SPATA6: variants seen among roughly 807,000 people sequenced by gnomAD.
SPATA6 encodes the protein spermatogenesis-associated protein 6.
In SPATA6, 56 loss-of-function variants were observed where a neutral mutation model predicts 65.3. The observed-to-expected ratio is 0.86, with a 90% CI of 0.69 to 1.07. The LOEUF (loss-of-function observed/expected upper bound fraction) is 1.07, where lower values mean the gene tolerates loss of function less well. SPATA6 is among the 50% of genes least tolerant of loss of function. SPATA6 has a pLI of 0.00. For missense variants in SPATA6, 590 were observed against 594.8 expected (o/e 0.99, Z 0.08); for synonymous variants, 199 against 213.2 (o/e 0.93, Z 0.58).
chr1:48,278,176 A>G, the SPATA6 span, among the ~76,000 whole-genome samples: 1 of 152,158 alleles, frequency 6.6e-6, no homozygotes, highest in East Asian at 1.9e-4. Context: ...CCAAAAACTC[A>G]TCTGTACATC....
chr1:48,339,494 T>G (rs1646148831), intron 11 of SPATA6, among the ~76,000 whole-genome samples: 1 of 151,878 alleles, frequency 6.6e-6, no homozygotes, highest in African/African-American at 2.4e-5. Context: ...TTAAAGTAAT[T>G]AGGATTAATT....
chr1:48,270,415 G>T, the SPATA6 span, among the ~76,000 whole-genome samples: 13 of 152,058 alleles, frequency 8.5e-5, no homozygotes, highest in Non-Finnish European at 1.6e-4. Flanking sequence ...AAAAACATAT[G>T]AACTATAACA....
intron 6 of SPATA6, chr1:48,400,631 T>G (rs572230837): frequency 2.3e-5 from 8 of 354,756 alleles, no homozygotes; most frequent in African/African-American, 1.8e-4. Context: ...TTGCTAAGGG[T>G]AACTAAGTGA....
intron 11 of SPATA6, among the ~76,000 whole-genome samples, chr1:48,335,510 G>A (rs1646035736): frequency 6.6e-6 from 1 of 152,006 alleles, no homozygotes; most frequent in Admixed American, 6.6e-5. Flanking sequence ...TCTGATCTTT[G>A]ACAAAGCTGA....
intron 9 of SPATA6, among the ~76,000 whole-genome samples, chr1:48,374,157 G>A (rs1232483553): frequency 6.6e-6 from 1 of 152,074 alleles, no homozygotes; most frequent in African/African-American, 2.4e-5. Flanking sequence ...CTGGTAAGCT[G>A]AGACAAATAT....
chr1:48,471,889 G>A (rs2148220596), intron 1 of SPATA6, 69 bp downstream of exon 1: 1 of 1,572,636 alleles, frequency 6.4e-7, no homozygotes, highest in Non-Finnish European at 8.7e-7. Flanking sequence ...GGTGGTTCCG[G>A]GCTCTCGGAG....
At chr1:48,344,946 G>A (rs1288427799) in intron 11 of SPATA6, among the ~76,000 whole-genome samples, 2 of 152,034 alleles carry the variant, frequency 1.3e-5, no homozygotes, top group African/African-American at 4.8e-5. Context: ...ACACCCCACT[G>A]ACAATATGAG....
Position 48,306,732 on chromosome 1 carries a change from A to G in SPATA6, c.1195-854T>C, listed in dbSNP as rs376966193. ...CAGCTGAATGCACATTGTGAAGAAAAATGATTTTAAAAATTTGCTGATGGC... is the reference window on the plus strand; with the variant it reads ...CAGCTGAATGCACATTGTGAAGAAAGATGATTTTAAAAATTTGCTGATGGC... On this transcript the variant is annotated intron_variant, in intron 11 of 12. Coordinates refer to ENST00000371847, the MANE Select transcript of SPATA6 (RefSeq NM_019073.4). Among the ~76,000 whole-genome samples, 176 of 152,036 alleles carry G rather than the reference A, an allele frequency of 1.2e-3. 3 individuals carry two copies. In the South Asian group the frequency reaches 0.022, roughly 19 times the overall value.
At chr1:48,323,764 CA>C (rs958940096) in intron 11 of SPATA6, among the ~76,000 whole-genome samples, 9 of 151,884 alleles carry the variant, frequency 5.9e-5, no homozygotes, top group African/African-American at 2.2e-4. Flanking sequence ...AAAAAATGTA[CA>C]AATTCCTAAA....
intron 12 of SPATA6, among the ~76,000 whole-genome samples, chr1:48,301,173 A>G (rs1189493287): frequency 6.6e-6 from 1 of 152,108 alleles, no homozygotes; most frequent in Non-Finnish European, 1.5e-5. Context: ...AAATGAATAA[A>G]CACATTTAGT....
intron 11 of SPATA6, among the ~76,000 whole-genome samples, chr1:48,312,896 G>A (rs1277175014): frequency 3.3e-5 from 5 of 152,176 alleles, no homozygotes; most frequent in East Asian, 1.9e-4. Context: ...CAAACGTGAC[G>A]AATGCACAAG....
chr1:48,375,972 T>C (rs1265183991), intron 9 of SPATA6, among the ~76,000 whole-genome samples: 1 of 152,158 alleles, frequency 6.6e-6, no homozygotes, highest in African/African-American at 2.4e-5. Context: ...TATTTTTTAA[T>C]CCAGATTCTA....
chr1:48,414,044 C>A (rs1407135262), intron 3 of SPATA6, among the ~76,000 whole-genome samples: 2 of 152,156 alleles, frequency 1.3e-5, no homozygotes, highest in African/African-American at 4.8e-5. Flanking sequence ...TCAACTTTTT[C>A]TTGTAATGTC....
chr1:48,383,435 A>C (rs1376517515), intron 9 of SPATA6, among the ~76,000 whole-genome samples: 9 of 25,906 alleles, frequency 3.5e-4, no homozygotes, highest in Admixed American at 4.5e-4. Context: ...CGGGCAGAGG[A>C]GCCCCTCACC....
At chr1:48,314,744 A>T (rs1645350139) in intron 11 of SPATA6, among the ~76,000 whole-genome samples, 1 of 152,200 alleles carries the variant, frequency 6.6e-6, no homozygotes. Context: ...AAAATCAATG[A>T]ATCCAGGAGC....
intron 9 of SPATA6, among the ~76,000 whole-genome samples, chr1:48,372,332 T>C (rs554493473): frequency 6.6e-6 from 1 of 152,236 alleles, no homozygotes; most frequent in Non-Finnish European, 1.5e-5. Flanking sequence ...ACAGGGCCCA[T>C]GTAAGTCTGA....
chr1:48,312,104 A>G (rs1460615256), intron 11 of SPATA6, among the ~76,000 whole-genome samples: 1 of 152,214 alleles, frequency 6.6e-6, no homozygotes, highest in Non-Finnish European at 1.5e-5. Context: ...CAGCTCAAGG[A>G]GGCCTGCCTC....
At chr1:48,345,438 T>C (rs538796589) in intron 11 of SPATA6, among the ~76,000 whole-genome samples, 1 of 151,872 alleles carries the variant, frequency 6.6e-6, no homozygotes. Flanking sequence ...CTAAAAGAAG[T>C]AGAGAACCAA....
At chr1:48,363,960 C>T (rs1457201180) in intron 9 of SPATA6, among the ~76,000 whole-genome samples, 1 of 151,932 alleles carries the variant, frequency 6.6e-6, no homozygotes. Flanking sequence ...CCTTCCCCCA[C>T]CTCACAACAG....
Sources: allele counts gnomAD v4.1 joint callset (sites outside exome capture counted in the v4.1 genomes callset), GRCh38; gene constraint gnomAD v4.1.1; transcripts MANE v1.5; gene names NCBI Gene and HGNC (gene_info 2026-07-23, HGNC 2026-07-21).